The following KCNAB1 variants were observed in gnomAD, a reference collection of about 807,000 sequenced individuals.
KCNAB1 encodes the protein voltage-gated potassium channel subunit beta-1.
In KCNAB1, 35 loss-of-function variants were observed where a neutral mutation model predicts 64.6. The observed-to-expected ratio is 0.54, with a 90% CI of 0.41 to 0.72. The LOEUF (loss-of-function observed/expected upper bound fraction) is 0.72. Ranked by LOEUF, KCNAB1 falls within the 30% of genes least tolerant of loss-of-function variation. KCNAB1 has a pLI of 0.00. For missense variants in KCNAB1, 401 were observed against 512.9 expected (o/e 0.78, Z 2.11); for synonymous variants, 177 against 183.8 (o/e 0.96, Z 0.30).
intron 1 of KCNAB1, among the ~76,000 whole-genome samples, chr3:156,236,818 G>T (rs998579094): frequency 5.3e-5 from 8 of 152,026 alleles, no homozygotes; most frequent in Non-Finnish European, 8.8e-5. Context: ...TTGTTTATTT[G>T]CCAGAATTAT....
chr3:156,524,034 A>G, intron 12 of KCNAB1, 87 bp downstream of exon 12: 3 of 1,265,002 alleles, frequency 2.4e-6, no homozygotes, highest in African/African-American at 1.5e-5. Flanking sequence ...TTACCATGAT[A>G]AAATGTCTAT....
intron 1 of KCNAB1, among the ~76,000 whole-genome samples, chr3:156,324,359 G>T (rs1467463941): frequency 6.6e-6 from 1 of 152,120 alleles, no homozygotes; most frequent in Admixed American, 6.5e-5. Flanking sequence ...GGCATAATAG[G>T]TAAGTAGAAA....
At chr3:156,216,279 A>G (rs1022157025) in intron 1 of KCNAB1, among the ~76,000 whole-genome samples, 1 of 152,188 alleles carries the variant, frequency 6.6e-6, no homozygotes, top group African/African-American at 2.4e-5. Context: ...TAGTATTTAT[A>G]GGGAGGAGGT....
At chr3:156,511,706 GCT>G (rs1292834159) in intron 8 of KCNAB1, among the ~76,000 whole-genome samples, 6 of 152,200 alleles carry the variant, frequency 3.9e-5, no homozygotes, top group African/African-American at 1.2e-4. Flanking sequence ...CCTTCCTCAA[GCT>G]CTTTCTACTT....
intron 1 of KCNAB1, among the ~76,000 whole-genome samples, chr3:156,200,030 T>C (rs553548181): frequency 2.1e-4 from 32 of 152,230 alleles, no homozygotes; most frequent in Non-Finnish European, 4.3e-4. Flanking sequence ...TTGTTGATGC[T>C]GATGTTATTG....
chr3:156,266,349 A>G (rs62286212), intron 1 of KCNAB1, among the ~76,000 whole-genome samples: 58 of 152,336 alleles, frequency 3.8e-4, no homozygotes, highest in Non-Finnish European at 7.1e-4. Context: ...GAGATAACGT[A>G]GAAATCTTAA....
intron 1 of KCNAB1, among the ~76,000 whole-genome samples, chr3:156,182,632 C>A (rs1211839931): frequency 6.6e-6 from 1 of 151,542 alleles, no homozygotes; most frequent in Non-Finnish European, 1.5e-5. Flanking sequence ...TTTTTTTTCC[C>A]CCCCCCGGGT....
In KCNAB1 at chr3:156,139,584, G is replaced by GTTTTTTTTTTTTTTTT. The variant is rs386398329; in HGVS notation, c.275+18709_275+18724dup. 4.5e-4 allele frequency among the ~76,000 whole-genome samples: 25 copies of GTTTTTTTTTTTTTTTT among 55,252 alleles called. 2 individuals are homozygous for GTTTTTTTTTTTTTTTT. The highest frequency in any genetic ancestry group is 1.7e-3 in the African/African-American group (23 of 13,220). The allele number at this position is 55,252 out of a possible 152,430, so 36.2% of individuals were successfully genotyped here. Reference sequence around the variant, plus strand: ...TTTCTCCCTAACTCCATTGTACTGTGTTTTTTTTTTTTTTTTTTTTTTTTT... The same window carrying GTTTTTTTTTTTTTTTT: ...TTTCTCCCTAACTCCATTGTACTGTGTTTTTTTTTTTTTTTTTTTTTTTTTTTTTTTTTTTTTTTTT... On this transcript the variant is annotated intron_variant, in intron 1 of 13. Transcript: ENST00000490337.
At chr3:156,384,367 C>T (rs766394621) in intron 1 of KCNAB1, among the ~76,000 whole-genome samples, 2 of 152,104 alleles carry the variant, frequency 1.3e-5, no homozygotes, top group African/African-American at 2.4e-5. Context: ...CCTAGTAGCC[C>T]GATAGTAAAG....
chr3:156,153,399 T>C (rs1468755053), intron 1 of KCNAB1, among the ~76,000 whole-genome samples: 1 of 152,246 alleles, frequency 6.6e-6, no homozygotes, highest in African/African-American at 2.4e-5. Context: ...TTCTGAGATA[T>C]CCATTTTGTT....
intron 1 of KCNAB1, among the ~76,000 whole-genome samples, chr3:156,385,738 T>C (rs1328959899): frequency 6.6e-6 from 1 of 152,248 alleles, no homozygotes; most frequent in Non-Finnish European, 1.5e-5. Flanking sequence ...TGTTAGACTC[T>C]TTCAGAAGTT....
At chr3:156,266,712 G>A (rs558259370) in intron 1 of KCNAB1, among the ~76,000 whole-genome samples, 241 of 152,296 alleles carry the variant, frequency 1.6e-3, no homozygotes, top group Middle Eastern at 6.8e-3. Context: ...CTTCTCAACA[G>A]TAATCCATAT....
intron 1 of KCNAB1, among the ~76,000 whole-genome samples, chr3:156,354,710 T>A (rs1334708136): frequency 1.6e-5 from 2 of 123,792 alleles, no homozygotes; most frequent in Non-Finnish European, 3.2e-5. Context: ...CTTAATCAAG[T>A]GTATCTCCCC....
chr3:156,294,698 A>T (rs1720670212), intron 1 of KCNAB1, among the ~76,000 whole-genome samples: 2 of 152,176 alleles, frequency 1.3e-5, no homozygotes, highest in Admixed American at 1.3e-4. Flanking sequence ...TGCCTGAAAT[A>T]ACTAAAATCG....
chr3:156,140,976 A>G (rs891916907), intron 1 of KCNAB1, among the ~76,000 whole-genome samples: 2 of 151,958 alleles, frequency 1.3e-5, no homozygotes, highest in African/African-American at 4.8e-5. Flanking sequence ...CCGAATGAAC[A>G]GTTTATGTCC....
intron 1 of KCNAB1, among the ~76,000 whole-genome samples, chr3:156,126,766 T>A (rs1395939269): frequency 6.6e-6 from 1 of 152,024 alleles, no homozygotes; most frequent in East Asian, 1.9e-4. Flanking sequence ...TGATTTAGTC[T>A]TCTCAGCTAT....
chr3:156,162,474 G>A (rs866711017), intron 1 of KCNAB1, among the ~76,000 whole-genome samples: 2 of 152,132 alleles, frequency 1.3e-5, no homozygotes, highest in Middle Eastern at 3.4e-3. Context: ...TACTCCTGAT[G>A]GTCTTGAGAG....
At position 156,515,159 on chromosome 3, in the gene KCNAB1, G is replaced by A; in HGVS notation, c.804G>A (p.Glu268=). ...TCCCACCGGTCTGTGAACAAGCTGA[G>A]TACCATCTTTTCCAGAGAGAGAAAG... is the stretch of plus-strand genomic sequence containing the variant. ...NMIPPVCEQA[E]YHLFQREKVE... The change falls in exon 10 of 14, where the codon GAG becomes GAA. Residue 268 remains glutamate, a synonymous_variant. Coordinates refer to ENST00000490337, the MANE Select transcript of KCNAB1 (RefSeq NM_172160.3). 2 of 1,613,332 alleles carry A rather than the reference G, an allele frequency of 1.2e-6. No individual in the cohort carries two copies. The highest frequency in any genetic ancestry group is 1.7e-6 in the Non-Finnish European group (2 of 1,179,430).
intron 2 of KCNAB1, among the ~76,000 whole-genome samples, chr3:156,427,475 T>C (rs747169797): frequency 1.3e-5 from 2 of 152,184 alleles, no homozygotes; most frequent in Non-Finnish European, 2.9e-5. Context: ...TTTTCTACAC[T>C]CCTATTGCAC....
Sources: gnomAD v4.1 joint callset for allele counts (sites outside exome capture counted in the v4.1 genomes callset) on GRCh38, gnomAD v4.1.1 for gene constraint, MANE v1.5 for transcripts, NCBI Gene and HGNC (gene_info 2026-07-23, HGNC 2026-07-21) for gene names.